FBXL13: variants seen among roughly 807,000 people sequenced by gnomAD.
The protein encoded by FBXL13 is F-box and leucine-rich repeat protein 13.
A neutral mutation model predicts 83.6 loss-of-function variants in FBXL13; 67 were observed. The observed-to-expected ratio is 0.80, with a 90% CI of 0.66 to 0.98. The LOEUF (loss-of-function observed/expected upper bound fraction) is 0.98. Among genes scored for constraint, FBXL13 ranks in the 50% least tolerant of loss-of-function variants. The pLI is 0.00. For synonymous variants in FBXL13, 272 were observed against 299.5 expected (o/e 0.91, Z 0.95); for missense variants, 822 against 866.5 (o/e 0.95, Z 0.64).
intron 6 of FBXL13, among the ~76,000 whole-genome samples, chr7:103,008,973 T>A (rs1190762035): frequency 6.6e-6 from 1 of 152,178 alleles, no homozygotes; most frequent in East Asian, 1.9e-4. Context: ...AAGCATACTC[T>A]TGTTAGGTCC....
At chr7:102,968,205 A>G in intron 6 of FBXL13, 88 bp from the exon 8 acceptor site, 1 of 803,578 alleles carries the variant, frequency 1.2e-6, no homozygotes, top group Non-Finnish European at 2.1e-6. Flanking sequence ...GTGTGCACAC[A>G]TGTGCGTGCA....
At chr7:103,044,155 A>C (rs1229467222) in intron 2 of FBXL13, among the ~76,000 whole-genome samples, 1 of 152,214 alleles carries the variant, frequency 6.6e-6, no homozygotes, top group East Asian at 1.9e-4. Flanking sequence ...AAACAGAGTA[A>C]GTAAAATGAC....
downstream of FBXL13, among the ~76,000 whole-genome samples, chr7:102,811,335 G>T (rs1797423711): frequency 6.6e-6 from 1 of 152,058 alleles, no homozygotes; most frequent in Non-Finnish European, 1.5e-5. Context: ...AATACGTAAG[G>T]GCTAAAGACC....
intron 8 of FBXL13, among the ~76,000 whole-genome samples, chr7:102,953,043 T>C (rs1414814793): frequency 6.6e-6 from 1 of 152,076 alleles, no homozygotes; most frequent in African/African-American, 2.4e-5. Context: ...TAGGACCAGA[T>C]GGCTTCATGG....
chr7:102,921,666 C>A (rs1237322279), intron 10 of FBXL13, among the ~76,000 whole-genome samples: 2 of 150,376 alleles, frequency 1.3e-5, no homozygotes, highest in Non-Finnish European at 1.5e-5. Context: ...GGCGACAGAG[C>A]AAGATTCCAT....
rs58307950 is a variant in FBXL13 at position 102,826,724 on chromosome 7, CATATATATAT to C, written c.1855-4531_1855-4522del. Among the ~76,000 whole-genome samples, 450 of 62,722 alleles carry C rather than the reference CATATATATAT, an allele frequency of 7.2e-3. 9 individuals carry two copies. Among genetic ancestry groups the C allele is most frequent in the African/African-American group, 0.011 (232 of 21,858 alleles). The allele number at this position is 62,722 out of a possible 152,430, so 41.1% of individuals were successfully genotyped here. ...TGGGAGACAGAGTGAGACCCTGTCT[CATATATATAT>C]ATATATATATATATATATATATATA... On this transcript the variant is annotated intron_variant, in intron 18 of 19. Transcript: ENST00000313221.
At chr7:103,042,263 C>A (rs1291473011) in intron 2 of FBXL13, among the ~76,000 whole-genome samples, 1 of 152,142 alleles carries the variant, frequency 6.6e-6, no homozygotes, top group East Asian at 1.9e-4. Flanking sequence ...ATCCAACTTA[C>A]AAGGGATGTG....
At chr7:103,020,127 T>A (rs556700247) in intron 6 of FBXL13, among the ~76,000 whole-genome samples, 1 of 152,298 alleles carries the variant, frequency 6.6e-6, no homozygotes, top group Admixed American at 6.5e-5. Context: ...TTATCCACCA[T>A]GATCAAGTGG....
chr7:102,953,990 G>A (rs4296965), intron 8 of FBXL13, among the ~76,000 whole-genome samples: 112,370 of 152,052 alleles, frequency 0.74, 42,639 homozygotes, highest in Middle Eastern at 0.83. Context: ...GAACAGCTCC[G>A]GTCTGCAGCT....
At chr7:103,027,077 T>A (rs1794004641) in intron 5 of FBXL13, among the ~76,000 whole-genome samples, 1 of 152,092 alleles carries the variant, frequency 6.6e-6, no homozygotes, top group African/African-American at 2.4e-5. Context: ...GCAGATCACC[T>A]GAGGTCACGA....
chr7:102,963,390 A>T, intron 8 of FBXL13, 143 bp downstream of exon 9: 1 of 953,794 alleles, frequency 1.0e-6, no homozygotes, highest in Non-Finnish European at 1.5e-6. Flanking sequence ...GCACTATATT[A>T]TACACTTATT....
chr7:103,002,006 C>T (rs1293561054), intron 6 of FBXL13, among the ~76,000 whole-genome samples: 2 of 152,242 alleles, frequency 1.3e-5, no homozygotes, highest in South Asian at 2.1e-4. Flanking sequence ...CTAACTAATA[C>T]AATAGGTAAG....
intron 8 of FBXL13, among the ~76,000 whole-genome samples, chr7:102,947,410 C>T (rs1425203717): frequency 6.6e-6 from 1 of 152,122 alleles, no homozygotes; most frequent in East Asian, 1.9e-4. Flanking sequence ...AAATAAAGCT[C>T]CTGAACACAT....
At chr7:103,038,122 C>A (rs138586272) in intron 2 of FBXL13, among the ~76,000 whole-genome samples, 3,116 of 152,260 alleles carry the variant, frequency 0.02, 118 homozygotes, top group African/African-American at 0.072. Context: ...CCACAGTCTT[C>A]GCAACCTGCA....
At chr7:102,956,811 G>C (rs762650115) in intron 8 of FBXL13, among the ~76,000 whole-genome samples, 2 of 152,068 alleles carry the variant, frequency 1.3e-5, no homozygotes, top group Non-Finnish European at 2.9e-5. Flanking sequence ...AAAATACCTA[G>C]GAATACAACT....
At chr7:103,020,938 C>G (rs1793083720) in intron 6 of FBXL13, among the ~76,000 whole-genome samples, 1 of 152,172 alleles carries the variant, frequency 6.6e-6, no homozygotes. Flanking sequence ...AATGCTATCC[C>G]CATCAAGCTA....
chr7:103,024,577 G>C (rs1793636647), intron 6 of FBXL13, among the ~76,000 whole-genome samples: 1 of 142,162 alleles, frequency 7.0e-6, no homozygotes, highest in South Asian at 2.3e-4. Context: ...GACTCCACAA[G>C]CAAAACTGAA....
chr7:102,855,232 G>C (rs1352570672), intron 16 of FBXL13, among the ~76,000 whole-genome samples: 1 of 152,056 alleles, frequency 6.6e-6, no homozygotes, highest in Non-Finnish European at 1.5e-5. Flanking sequence ...GAACCTATTT[G>C]TTAATATATT....
intron 8 of FBXL13, among the ~76,000 whole-genome samples, chr7:102,956,888 C>T (rs1039150273): frequency 3.9e-5 from 6 of 152,072 alleles, no homozygotes; most frequent in Admixed American, 6.6e-5. Flanking sequence ...TAAAAGAGGA[C>T]ACAAACAAAT....
Sources: gnomAD v4.1 joint callset for allele counts (sites outside exome capture counted in the v4.1 genomes callset) on GRCh38, gnomAD v4.1.1 for gene constraint, MANE v1.5 for transcripts, NCBI Gene and HGNC (gene_info 2026-07-23, HGNC 2026-07-21) for gene names.